The following PTGR1 variants were observed in gnomAD, a reference collection of about 807,000 sequenced individuals.
The protein encoded by PTGR1 is prostaglandin reductase 1.
A neutral mutation model predicts 37.7 loss-of-function variants in PTGR1; 23 were observed. The ratio of observed to expected loss-of-function variants is 0.61; its 90% CI spans 0.44 to 0.86. PTGR1 has a LOEUF of 0.86. Among genes scored for constraint, PTGR1 ranks in the 40% least tolerant of loss-of-function variants. PTGR1 has a pLI of 0.00. For missense variants in PTGR1, 351 were observed against 394.3 expected, an observed-to-expected ratio of 0.89 and a Z score of 0.93; for synonymous variants, 134 against 140.0, an observed-to-expected ratio of 0.96 and a Z score of 0.30.
At chr9:111,579,618 G>A (rs1450104300) in intron 6 of PTGR1, among the ~76,000 whole-genome samples, 2 of 151,896 alleles carry the variant, frequency 1.3e-5, no homozygotes, top group Admixed American at 6.6e-5. Flanking sequence ...GGCTGATCTC[G>A]AACTCCTAGG....
At chr9:111,588,017 C>CTTTT (rs1554819756) in intron 4 of PTGR1, among the ~76,000 whole-genome samples, 3 of 140,300 alleles carry the variant, frequency 2.1e-5, no homozygotes, top group Admixed American at 7.2e-5. Context: ...ATTATTTTTT[C>CTTTT]TTTTTTTTTT....
chr9:111,598,951 C>G (rs1271173346), intron 1 of PTGR1, among the ~76,000 whole-genome samples: 3 of 152,224 alleles, frequency 2.0e-5, no homozygotes, highest in Admixed American at 2.0e-4. Flanking sequence ...CCCATTCCCC[C>G]CCGAACCCGC....
At chr9:111,581,617 G>T (rs1829282986) in intron 6 of PTGR1, among the ~76,000 whole-genome samples, 1 of 152,106 alleles carries the variant, frequency 6.6e-6, no homozygotes, top group African/African-American at 2.4e-5. Context: ...AGCTCTGAGA[G>T]AAAGGGATTG....
chr9:111,575,022 C>T (rs913063709), intron 7 of PTGR1, among the ~76,000 whole-genome samples, 180 bp from the exon 8 acceptor site: 8 of 152,176 alleles, frequency 5.3e-5, no homozygotes, highest in Admixed American at 2.0e-4. Flanking sequence ...CATTTTCGGC[C>T]GGGCACGGTG....
At chr9:111,559,468 C>A (rs1828213110), downstream of PTGR1, among the ~76,000 whole-genome samples, 3 of 152,064 alleles carry the variant, frequency 2.0e-5, no homozygotes, top group South Asian at 6.2e-4. Context: ...GGCTCTGATA[C>A]ACCATCTGGG....
chr9:111,562,955 C>T lies in PTGR1; in HGVS notation c.*166G>A. On this transcript the variant is annotated 3_prime_UTR_variant, in exon 10 of 10. Coordinates refer to ENST00000407693, the MANE Select transcript of PTGR1 (RefSeq NM_001146108.2). ...TGTTGTTGACTTTGAAACTTCCATCCTCCATCACTAATTACATACCACTTA... is the reference window on the plus strand; with the variant it reads ...TGTTGTTGACTTTGAAACTTCCATCTTCCATCACTAATTACATACCACTTA... 1 of 1,392,838 alleles carries T rather than the reference C, an allele frequency of 7.2e-7. No individual in the cohort carries two copies. The highest frequency in any genetic ancestry group is 9.3e-7 in the Non-Finnish European group (1 of 1,076,286). The allele number at this position is 1,392,838 out of a possible 1,614,324, so 86.3% of individuals were successfully genotyped here. A position where few individuals can be genotyped will look rare whatever the true frequency, so the allele number is the denominator to read the frequency against.
chr9:111,586,035 G>T lies in PTGR1; in HGVS notation c.340C>A (p.Pro114Thr), dbSNP rs1016640404. ...ACTGTCCCCAGAGCCAAAGACAGTG[G>T]TATTGTGTCTGGCCACTCTGTCAGC... is the stretch of plus-strand genomic sequence containing the variant. Reference protein sequence around the residue: ...KLLTEWPDTIPLSLALGTVGM... With the variant: ...KLLTEWPDTITLSLALGTVGM... The change falls in exon 5 of 10, where the codon CCA becomes ACA. Residue 114 changes from proline (P) to threonine (T), a missense_variant. Pro to Thr is a conservative substitution (Grantham distance 38). Transcript: ENST00000407693. The T allele has an allele frequency of 2.5e-6, 4 of 1,614,070 alleles. No individual in the cohort carries two copies. In the African/African-American group the frequency reaches 5.3e-5, roughly 22 times the overall value.
At chr9:111,570,402 T>C (rs777899490) in intron 8 of PTGR1, among the ~76,000 whole-genome samples, 193 bp from the exon 9 acceptor site, 5 of 152,086 alleles carry the variant, frequency 3.3e-5, no homozygotes, top group African/African-American at 4.8e-5. Context: ...GGCAGAATAA[T>C]GGCCCCAAAC....
chr9:111,570,771 T>G (rs942844683), intron 8 of PTGR1, among the ~76,000 whole-genome samples: 1 of 152,014 alleles, frequency 6.6e-6, no homozygotes, highest in African/African-American at 2.4e-5. Flanking sequence ...AGAATGAGAC[T>G]CTGCCTCAAA....
intron 9 of PTGR1, among the ~76,000 whole-genome samples, chr9:111,566,388 C>A (rs750156001): frequency 6.6e-6 from 1 of 152,134 alleles, no homozygotes; most frequent in Non-Finnish European, 1.5e-5. Flanking sequence ...CAGCCCAGCC[C>A]GGCACTGCAA....
intron 9 of PTGR1, among the ~76,000 whole-genome samples, chr9:111,553,274 C>G (rs191384312): frequency 1.3e-5 from 2 of 152,302 alleles, no homozygotes; most frequent in African/African-American, 4.8e-5. Context: ...ACTATACTGT[C>G]TCTAGTCTTC....
Position 111,571,403 on chromosome 9 carries a change from G to A in PTGR1, c.761-1194C>T, listed in dbSNP as rs537955835. ...CAGCCTGGGTGACAGAGCGAGACTC[G>A]GTTTCAAAAAGAAAAAAAGAAGTAA... is the stretch of plus-strand genomic sequence containing the variant. On this transcript the variant is annotated intron_variant, in intron 8 of 9. Coordinates refer to ENST00000407693, the MANE Select transcript of PTGR1 (RefSeq NM_001146108.2). 4.7e-4 allele frequency among the ~76,000 whole-genome samples: 70 copies of A among 149,514 alleles called. 5 individuals are homozygous for A. The highest frequency in any genetic ancestry group is 9.4e-4 in the Non-Finnish European group (63 of 67,324).
At chr9:111,593,957 G>C (rs1411161567) in intron 3 of PTGR1, among the ~76,000 whole-genome samples, 25 of 135,242 alleles carry the variant, frequency 1.8e-4, no homozygotes, top group Admixed American at 1.2e-3. Flanking sequence ...TTTTCTGGAA[G>C]TAATTCTGTT....
intron 8 of PTGR1, among the ~76,000 whole-genome samples, chr9:111,573,449 G>A (rs949177394): frequency 6.6e-6 from 1 of 152,138 alleles, no homozygotes; most frequent in African/African-American, 2.4e-5. Context: ...GTTAACCAGT[G>A]GGGCTATAAG....
intron 6 of PTGR1, among the ~76,000 whole-genome samples, chr9:111,581,674 A>G (rs1564618499): frequency 6.6e-6 from 1 of 152,032 alleles, no homozygotes; most frequent in Admixed American, 6.6e-5. Flanking sequence ...GTCTCACAAC[A>G]TTGCCCAGAC....
At chr9:111,554,326 G>A (rs1302224031) in intron 9 of PTGR1, among the ~76,000 whole-genome samples, 4 of 152,118 alleles carry the variant, frequency 2.6e-5, no homozygotes, top group African/African-American at 4.8e-5. Context: ...CTACTCTTCC[G>A]TTGCCCAGAG....
chr9:111,570,424 CA>C (rs1200233134), intron 8 of PTGR1, among the ~76,000 whole-genome samples: 3 of 152,070 alleles, frequency 2.0e-5, no homozygotes, highest in Non-Finnish European at 2.9e-5. Context: ...TGTTCATATC[CA>C]AAAACCCCAG....
At chr9:111,589,334 C>A in intron 4 of PTGR1, 1 of 864,040 alleles carries the variant, frequency 1.2e-6, no homozygotes, top group Non-Finnish European at 1.4e-6. Context: ...CACTGAAATT[C>A]CAGTAAAGAT....
intron 2 of PTGR1, among the ~76,000 whole-genome samples, chr9:111,595,899 C>A (rs929227447): frequency 3.3e-5 from 5 of 152,112 alleles, no homozygotes; most frequent in African/African-American, 1.2e-4. Context: ...TCCCAAAGTT[C>A]TGGGATTACA....
Sources: allele counts gnomAD v4.1 joint callset (sites outside exome capture counted in the v4.1 genomes callset), GRCh38; gene constraint gnomAD v4.1.1; transcripts MANE v1.5; gene names NCBI Gene and HGNC (gene_info 2026-07-23, HGNC 2026-07-21).